ZNF500: variants seen among roughly 807,000 people sequenced by gnomAD.
The protein encoded by ZNF500 is zinc finger protein 500, also known as zinc finger protein with KRAB and SCAN domains 18.
Under a neutral mutation model 30.1 loss-of-function variants are expected in ZNF500, and 31 were observed. That is an observed-to-expected ratio of 1.03 (90% CI 0.77 to 1.39). The LOEUF (loss-of-function observed/expected upper bound fraction) is 1.39, where lower values mean the gene tolerates loss of function less well. Ranked by LOEUF, ZNF500 falls within the 40% of genes most tolerant of loss-of-function variation. The pLI is 0.00. For missense variants in ZNF500, 817 were observed against 657.8 expected, an observed-to-expected ratio of 1.24 and a Z score of -2.65; for synonymous variants, 392 against 282.0, an observed-to-expected ratio of 1.39 and a Z score of -3.91.
chr16:4,758,838 C>T (rs1029167667), intron 5 of ZNF500, among the ~76,000 whole-genome samples: 1 of 152,160 alleles, frequency 6.6e-6, no homozygotes, highest in Non-Finnish European at 1.5e-5. Flanking sequence ...ATCAACTGGA[C>T]ACTAGAACCA....
Position 4,765,778 on chromosome 16 carries a change from G to GGCCTCCCGGGGCCCAGC in ZNF500, c.184_200dup (p.Ser69GlyfsTer6). 1.2e-6 allele frequency: 2 copies of GGCCTCCCGGGGCCCAGC among 1,612,942 alleles called. No homozygotes were observed. The highest frequency in any genetic ancestry group is 2.7e-5 in the African/African-American group (2 of 75,036). On this transcript the variant is annotated frameshift_variant, in exon 2 of 6. Transcript: ENST00000219478. LOFTEE classifies it high-confidence loss of function. ...AGCACAGCTCCCAGAGGCGGCTCAG[G>GGCCTCCCGGGGCCCAGC]GCCTCCCGGGGCCCAGCCACCTCCT...
chr16:4,746,513 G>C (rs754236528), downstream of ZNF500: 1 of 1,612,938 alleles, frequency 6.2e-7, no homozygotes, highest in South Asian at 1.1e-5. Flanking sequence ...CCCCAGAAAG[G>C]TCCGGAGGGC....
At position 4,752,115 on chromosome 16, in the gene ZNF500, GTC is replaced by G. The variant is rs2082085759; in HGVS notation, c.*259_*260del. 1 of 1,342,060 alleles carries G rather than the reference GTC, an allele frequency of 7.5e-7. No homozygotes were observed. Among genetic ancestry groups the G allele is most frequent in the South Asian group, 2.2e-5 (1 of 45,662 alleles). The allele number at this position is 1,342,060 out of a possible 1,614,324, so 83.1% of individuals were successfully genotyped here. On this transcript the variant is annotated 3_prime_UTR_variant, in exon 6 of 6. Transcript: ENST00000219478. ...TGTCGGCTTCTGGCCTCCTGAGTGT[GTC>G]TCTGTGGCTGAAGCCCCTGCTCTGT... is the stretch of plus-strand genomic sequence containing the variant.
At position 4,762,305 on chromosome 16, in the gene ZNF500, G is replaced by C; in HGVS notation, c.629C>G (p.Ala210Gly). Residue 210 changes from alanine (A) to glycine (G), a missense_variant, in exon 4 of 6, where the codon GCG (alanine) becomes GGG (glycine). Physicochemically the swap from Ala to Gly is moderately conservative, Grantham distance 60 (BLOSUM62 0). Coordinates refer to ENST00000219478, the MANE Select transcript of ZNF500 (RefSeq NM_021646.4). ...GGCCGAAAGGAAGGGCGAGGCTGAC[G>C]CCATCTCCTGATGCCGGGGAGCTGG... ...GPPAPRHQEM[A>G]SASPFLSAWS... 1 of 1,610,710 alleles carries C rather than the reference G, an allele frequency of 6.2e-7. No homozygotes were observed. The highest frequency in any genetic ancestry group is 1.1e-5 in the South Asian group (1 of 90,430).
chr16:4,758,815 A>G (rs1005026096), intron 5 of ZNF500, among the ~76,000 whole-genome samples: 7 of 152,236 alleles, frequency 4.6e-5, no homozygotes, highest in African/African-American at 1.7e-4. Flanking sequence ...ATAGGCAACA[A>G]AAGAAAAAAA....
Position 4,752,805 on chromosome 16 carries a change from G to A in ZNF500, c.1014C>T (p.Ser338=), listed in dbSNP as rs1333253936. The A allele has an allele frequency of 6.2e-7, 1 of 1,614,152 alleles. No individual in the cohort carries two copies. ...PECGKGFSKT[S]HLTKHQRTHT... ...GTGTGCGCTGGTGCTTGGTCAAGTG[G>A]GACGTCTTGCTGAAGCCTTTGCCAC... Residue 338 remains serine, a synonymous_variant, in exon 6 of 6, where the codon TCC becomes TCT. Coordinates refer to ENST00000219478, the MANE Select transcript of ZNF500 (RefSeq NM_021646.4).
In ZNF500 at chr16:4,751,919, G is replaced by T. The variant is rs562864262; in HGVS notation, c.*457C>A. The T allele has an allele frequency of 1.0e-4, 34 of 330,552 alleles. No homozygotes were observed. Among genetic ancestry groups the T allele is most frequent in the East Asian group, 9.3e-4 (7 of 7,488 alleles). The allele number at this position is 330,552 out of a possible 1,614,324, so 20.5% of individuals were successfully genotyped here. A position where few individuals can be genotyped will look rare whatever the true frequency, so the allele number is the denominator to read the frequency against. ...CAAGGCCCCGTCTCAAAAAAAAAAG[G>T]GGGGGGGAGCAGGTGGGGGGTACAC... On this transcript the variant is annotated 3_prime_UTR_variant, in exon 6 of 6. Coordinates refer to ENST00000219478, the MANE Select transcript of ZNF500 (RefSeq NM_021646.4).
chr16:4,748,400 C>T lies in ZNF500; in HGVS notation c.*3976G>A, dbSNP rs1205263337. On this transcript the variant is annotated 3_prime_UTR_variant, in exon 6 of 6. Transcript: ENST00000219478. ...AGTAACGAGAATTTGCTTTCTCTTT[C>T]TCTTCTTTACCTAAGATAGAAAGGC... The T allele has an allele frequency of 2.6e-5, 4 of 152,076 alleles. No homozygotes were observed. Among genetic ancestry groups the T allele is most frequent in the Non-Finnish European group, 4.4e-5 (3 of 68,038 alleles). 9.4% of individuals were successfully genotyped at this position (152,076 alleles called of 1,614,324 possible). A position where few individuals can be genotyped will look rare whatever the true frequency, so the allele number is the denominator to read the frequency against.
chr16:4,764,668 G>A (rs1031314584), intron 2 of ZNF500, among the ~76,000 whole-genome samples: 26 of 151,600 alleles, frequency 1.7e-4, no homozygotes, highest in Non-Finnish European at 3.7e-4. Context: ...TGTAGTCCCA[G>A]CTGCTGAGGA....
rs762770068 is a variant in ZNF500 at position 4,758,862 on chromosome 16, A to G, written c.760+1630T>C. On this transcript the variant is annotated intron_variant, in intron 5 of 5. Transcript: ENST00000219478. Reference sequence around the variant, plus strand: ...ACACTAGAACCAAAAACTTTTGTGCATGAAAGGACGCTACCAACAAAATGA... The same window carrying G: ...ACACTAGAACCAAAAACTTTTGTGCGTGAAAGGACGCTACCAACAAAATGA... Among the ~76,000 whole-genome samples, 33 of 152,176 alleles carry G rather than the reference A, an allele frequency of 2.2e-4. 1 individual carries two copies. Among genetic ancestry groups the G allele is most frequent in the Admixed American group, 5.9e-4 (9 of 15,250 alleles).
In ZNF500 at chr16:4,752,127, G is replaced by A; in HGVS notation, c.*249C>T. On this transcript the variant is annotated 3_prime_UTR_variant, in exon 6 of 6. Coordinates refer to ENST00000219478, the MANE Select transcript of ZNF500 (RefSeq NM_021646.4). ...GCCTCCTGAGTGTGTCTCTGTGGCTGAAGCCCCTGCTCTGTGTCACCTGTT... is the reference window on the plus strand; with the variant it reads ...GCCTCCTGAGTGTGTCTCTGTGGCTAAAGCCCCTGCTCTGTGTCACCTGTT... 7.4e-7 allele frequency: 1 copy of A among 1,348,602 alleles called. No individual in the cohort carries two copies. The highest frequency in any genetic ancestry group is 9.5e-7 in the Non-Finnish European group (1 of 1,055,874). 83.5% of individuals were successfully genotyped at this position (1,348,602 alleles called of 1,614,324 possible). A position where few individuals can be genotyped will look rare whatever the true frequency, so the allele number is the denominator to read the frequency against.
rs540938150 is a variant in ZNF500, at chr16:4,764,763, C to T, written c.414+802G>A. Among the ~76,000 whole-genome samples, 556 of 138,202 alleles carry T rather than the reference C, an allele frequency of 4.0e-3. 2 individuals carry two copies. The highest frequency in any genetic ancestry group is 0.015 in the African/African-American group (528 of 36,120). The allele number at this position is 138,202 out of a possible 152,430, so 90.7% of individuals were successfully genotyped here. On this transcript the variant is annotated intron_variant, in intron 2 of 5. Transcript: ENST00000219478. ...CGCCACTGCTCTCCAGCCTGGGCGA[C>T]AGGGCGAGACTCCATCTCAAAAAAA...
In ZNF500 at chr16:4,751,582, G is replaced by A. The variant is rs1361926894; in HGVS notation, c.*794C>T. 7 of 1,534,558 alleles carry A rather than the reference G, an allele frequency of 4.6e-6. No homozygotes were observed. The South Asian group carries it at 7.1e-5, about 16-fold the overall frequency. ...AAGCTGGAGACCACGTCCTGGGAAG[G>A]CTGGGGTACAGCAGGGCTCCCTGCA... On this transcript the variant is annotated 3_prime_UTR_variant, in exon 6 of 6. Transcript: ENST00000219478.
intron 4 of ZNF500, among the ~76,000 whole-genome samples, chr16:4,760,839 C>T (rs11646979): frequency 0.023 from 3,457 of 152,156 alleles, 53 homozygotes; most frequent in Admixed American, 0.031. Flanking sequence ...GAGTGGTGGA[C>T]CCACTGCACA....
chr16:4,763,721 C>G (rs904090580), intron 2 of ZNF500: 1 of 939,338 alleles, frequency 1.1e-6, no homozygotes, highest in Non-Finnish European at 1.2e-6. Context: ...GAAGCCATGC[C>G]GGGAACCCCA....
intron 2 of ZNF500, chr16:4,764,083 G>C (rs2082236356): frequency 1.0e-6 from 1 of 985,324 alleles, no homozygotes; most frequent in African/African-American, 1.7e-5. Context: ...CCTTCAAATG[G>C]GGCTGGAAGG....
In ZNF500 at chr16:4,765,584, G is replaced by C. The variant is rs541591611; in HGVS notation, c.395C>G (p.Pro132Arg). 5.6e-6 allele frequency: 9 copies of C among 1,601,856 alleles called. No homozygotes were observed. In the South Asian group the frequency reaches 7.8e-5, roughly 14 times the overall value. Reference sequence around the variant, plus strand: ...ACTCACCCGCTGCCTGTGTTTCCTGGGCTTCCGCTGCAGCCCTTCCACAAG... The same window carrying C: ...ACTCACCCGCTGCCTGTGTTTCCTGCGCTTCCGCTGCAGCCCTTCCACAAG... ...VVLVEGLQRK[P>R]RKHRQRGSEL... is the part of the protein sequence containing the mutation. Residue 132 changes from proline to arginine, a missense_variant, in exon 2 of 6, where the codon CCC (proline) becomes CGC (arginine). Physicochemically the swap from Pro to Arg is moderately radical, Grantham distance 103 (BLOSUM62 -2). Coordinates refer to ENST00000219478, the MANE Select transcript of ZNF500 (RefSeq NM_021646.4).
chr16:4,765,260 C>A (rs966644131), intron 2 of ZNF500, among the ~76,000 whole-genome samples: 2 of 151,872 alleles, frequency 1.3e-5, no homozygotes, highest in Non-Finnish European at 2.9e-5. Flanking sequence ...GTGATCACAC[C>A]ACCATAGCCT....
Position 4,752,279 on chromosome 16 carries a change from G to A in ZNF500, c.*97C>T, listed in dbSNP as rs961316857. ...TCATACTGGGCCATGGGAGGAAACG[G>A]GCAGCTGGCAATGCTTTCGGACCAG... On this transcript the variant is annotated 3_prime_UTR_variant, in exon 6 of 6. Transcript: ENST00000219478. 1 of 1,429,688 alleles carries A rather than the reference G, an allele frequency of 7.0e-7. No individual in the cohort carries two copies. Among genetic ancestry groups the A allele is most frequent in the Non-Finnish European group, 9.1e-7 (1 of 1,096,956 alleles). 88.6% of individuals were successfully genotyped at this position (1,429,688 alleles called of 1,614,324 possible).
Sources: gnomAD v4.1 joint callset for allele counts (sites outside exome capture counted in the v4.1 genomes callset) on GRCh38, gnomAD v4.1.1 for gene constraint, MANE v1.5 for transcripts, NCBI Gene and HGNC (gene_info 2026-07-23, HGNC 2026-07-21) for gene names.